EPM2A: variants seen among roughly 807,000 people sequenced by gnomAD.
EPM2A encodes EPM2A glucan phosphatase, laforin.
EPM2A carries 21 observed loss-of-function variants against 26.5 expected under a neutral mutation model. The ratio of observed to expected loss-of-function variants is 0.79; its 90% CI spans 0.56 to 1.14. The LOEUF (loss-of-function observed/expected upper bound fraction) is 1.14, where lower values mean the gene tolerates loss of function less well. Among genes scored for constraint, EPM2A ranks in the 50% most tolerant of loss-of-function variants. The pLI, the probability that EPM2A is intolerant of heterozygous loss-of-function variation, is 0.00. For missense variants in EPM2A, 458 were observed against 440.8 expected (o/e 1.04, Z -0.35); for synonymous variants, 217 against 177.6 (o/e 1.22, Z -1.76).
intron 2 of EPM2A, among the ~76,000 whole-genome samples, chr6:145,536,891 A>T (rs1471710770): frequency 6.6e-5 from 10 of 152,226 alleles, no homozygotes; most frequent in Admixed American, 6.5e-4. Flanking sequence ...AGGAGTGGGA[A>T]AGCTTTATCG....
chr6:145,470,621 T>A (rs750462955), intron 4 of EPM2A, among the ~76,000 whole-genome samples: 1 of 152,176 alleles, frequency 6.6e-6, no homozygotes, highest in East Asian at 1.9e-4. Context: ...TTTTCTTGCA[T>A]GTGTGTATGA....
intron 1 of EPM2A, among the ~76,000 whole-genome samples, chr6:145,729,162 G>C (rs1369571703): frequency 6.6e-6 from 1 of 152,196 alleles, no homozygotes; most frequent in Non-Finnish European, 1.5e-5. Flanking sequence ...TAGATATCCA[G>C]GCAGAAGTCT....
Position 145,659,168 on chromosome 6 carries a change from C to T in EPM2A, c.477-23682G>A, listed in dbSNP as rs1247149090. Among the ~76,000 whole-genome samples the T allele has an allele frequency of 7.4e-5, 11 of 148,814 alleles. No homozygotes were observed. The East Asian group carries it at 1.9e-3, about 26-fold the overall frequency. On this transcript the variant is annotated intron_variant, in intron 2 of 3. Transcript: ENST00000367519. ...ATCCAAATATTACAATCCCCACTAA[C>T]TTTCTGTGTGATATCTAAAATTATT...
chr6:145,590,285 G>A (rs1242587680), intron 2 of EPM2A, among the ~76,000 whole-genome samples: 1 of 152,028 alleles, frequency 6.6e-6, no homozygotes, highest in East Asian at 1.9e-4. Flanking sequence ...TCTGTCAGGG[G>A]AAGAGGGGAG....
intron 4 of EPM2A, among the ~76,000 whole-genome samples, chr6:145,401,073 A>C (rs778171217): frequency 6.6e-6 from 1 of 152,186 alleles, no homozygotes; most frequent in Non-Finnish European, 1.5e-5. Context: ...ACAATATTGT[A>C]ATAATACATC....
chr6:145,506,316 A>C (rs947279397), intron 2 of EPM2A, among the ~76,000 whole-genome samples: 6 of 152,254 alleles, frequency 3.9e-5, no homozygotes, highest in Admixed American at 1.3e-4. Flanking sequence ...TGCAATAATT[A>C]TTCAACAACC....
At chr6:145,576,919 T>C (rs761078444) in intron 2 of EPM2A, among the ~76,000 whole-genome samples, 32 of 151,882 alleles carry the variant, frequency 2.1e-4, no homozygotes, top group Non-Finnish European at 4.1e-4. Flanking sequence ...TTCTCTTTGC[T>C]TTGTTTTTCT....
intron 4 of EPM2A, among the ~76,000 whole-genome samples, chr6:145,494,723 G>A (rs1376096228): frequency 6.6e-6 from 1 of 152,094 alleles, no homozygotes; most frequent in Admixed American, 6.6e-5. Context: ...ATTGATTTCT[G>A]CCTTAATTTC....
intron 4 of EPM2A, among the ~76,000 whole-genome samples, chr6:145,475,529 G>T (rs1016111497): frequency 6.6e-6 from 1 of 151,900 alleles, no homozygotes; most frequent in Non-Finnish European, 1.5e-5. Flanking sequence ...GGGTTGATCG[G>T]TGCAGCACAC....
rs531664495 is a variant in EPM2A, at chr6:145,594,815, T to G, written c.340+40430A>C. 6.6e-5 allele frequency among the ~76,000 whole-genome samples: 10 copies of G among 152,040 alleles called. No individual in the cohort carries two copies. The South Asian group carries it at 2.1e-3, about 32-fold the overall frequency. On this transcript the variant is annotated intron_variant, in intron 2 of 3. Coordinates refer to the EPM2A transcript ENST00000450221. The stretch of plus-strand genomic sequence containing the variant: ...AATTTAGGACAGCTATTTAAGCCAT[T>G]ATACATGTTCCCTAGTGAATTACCA...
intron 4 of EPM2A, among the ~76,000 whole-genome samples, chr6:145,460,557 A>G (rs1453723309): frequency 6.6e-6 from 1 of 152,140 alleles, no homozygotes; most frequent in Non-Finnish European, 1.5e-5. Flanking sequence ...AAAGTTTGGG[A>G]ATTAAGGGAA....
chr6:145,615,177 G>A (rs894224317), intron 2 of EPM2A, among the ~76,000 whole-genome samples: 2 of 152,192 alleles, frequency 1.3e-5, no homozygotes. Flanking sequence ...CCCACATGTT[G>A]TGGGAGGAAC....
At chr6:145,418,696 G>C (rs765607979) in intron 4 of EPM2A, among the ~76,000 whole-genome samples, 2 of 152,082 alleles carry the variant, frequency 1.3e-5, no homozygotes, top group African/African-American at 2.4e-5. Context: ...ATTCCACTCC[G>C]GCCAAAGGAT....
intron 1 of EPM2A, among the ~76,000 whole-genome samples, chr6:145,705,314 T>C (rs1305463031): frequency 1.3e-5 from 2 of 152,022 alleles, no homozygotes; most frequent in East Asian, 3.9e-4. Context: ...CAACAAAATA[T>C]AGATATATAG....
chr6:145,508,631 T>C (rs955050811), intron 2 of EPM2A, among the ~76,000 whole-genome samples: 2 of 152,082 alleles, frequency 1.3e-5, no homozygotes, highest in African/African-American at 4.8e-5. Context: ...TAAGGAGAAA[T>C]GTCAGCTCCC....
At chr6:145,669,552 T>A (rs899624189) in intron 2 of EPM2A, among the ~76,000 whole-genome samples, 1 of 152,204 alleles carries the variant, frequency 6.6e-6, no homozygotes, top group Non-Finnish European at 1.5e-5. Context: ...CTGGGCTTCC[T>A]GAAGCAGACC....
At chr6:145,417,461 G>T (rs1240271346) in intron 4 of EPM2A, among the ~76,000 whole-genome samples, 1 of 152,026 alleles carries the variant, frequency 6.6e-6, no homozygotes, top group African/African-American at 2.4e-5. Context: ...CAGGCTCAGG[G>T]GCTAAAATTC....
At chr6:145,496,259 T>G (rs1033884265) in intron 4 of EPM2A, among the ~76,000 whole-genome samples, 2 of 152,208 alleles carry the variant, frequency 1.3e-5, no homozygotes, top group African/African-American at 4.8e-5. Flanking sequence ...TGACCTTGAT[T>G]AATCTGATAA....
intron 1 of EPM2A, among the ~76,000 whole-genome samples, chr6:145,712,440 C>T (rs554597590): frequency 2.5e-4 from 38 of 152,168 alleles, no homozygotes; most frequent in South Asian, 8.3e-4. Flanking sequence ...AAGCTCCTGA[C>T]GCACTGCTTT....
Sources: gnomAD v4.1 joint callset for allele counts (sites outside exome capture counted in the v4.1 genomes callset) on GRCh38, gnomAD v4.1.1 for gene constraint, MANE v1.5 for transcripts, NCBI Gene and HGNC (gene_info 2026-07-23, HGNC 2026-07-21) for gene names.